VOPP1: variants seen among roughly 807,000 people sequenced by gnomAD.
The protein encoded by VOPP1 is WW domain binding protein VOPP1.
VOPP1 carries 8 observed loss-of-function variants against 23.5 expected under a neutral mutation model. That is an observed-to-expected ratio of 0.34 (90% CI 0.20 to 0.61). The LOEUF (loss-of-function observed/expected upper bound fraction) is 0.61, where lower values mean the gene tolerates loss of function less well. Among genes scored for constraint, VOPP1 ranks in the 20% least tolerant of loss-of-function variants. The probability of loss-of-function intolerance (pLI) is 0.78; values close to 1 mark genes in which losing one functional copy is unlikely to be tolerated. For synonymous variants in VOPP1, 83 were observed against 97.3 expected, an observed-to-expected ratio of 0.85 and a Z score of 0.86; for missense variants, 174 against 238.1, an observed-to-expected ratio of 0.73 and a Z score of 1.77.
intron 4 of VOPP1, among the ~76,000 whole-genome samples, chr7:55,440,272 G>A (rs1790931333): frequency 6.6e-6 from 1 of 152,220 alleles, no homozygotes; most frequent in Non-Finnish European, 1.5e-5. Context: ...TCATGTCTGT[G>A]AAGCATGATC....
At chr7:55,493,075 T>C (rs547829955) in intron 3 of VOPP1, 1 of 152,250 alleles carries the variant, frequency 6.6e-6, no homozygotes, top group Admixed American at 6.5e-5. Context: ...GCTGAACTCT[T>C]TAAGGGTAGC....
chr7:55,468,425 T>G (rs908579414), downstream of VOPP1, among the ~76,000 whole-genome samples: 1 of 151,770 alleles, frequency 6.6e-6, no homozygotes, highest in Non-Finnish European at 1.5e-5. Flanking sequence ...CAAGAGGAGG[T>G]AGGCAAATTG....
intron 1 of VOPP1, 146 bp from the exon 2 acceptor site, chr7:55,521,276 G>A (rs905543564): frequency 1.2e-6 from 1 of 813,896 alleles, no homozygotes; most frequent in Admixed American, 2.9e-5. Flanking sequence ...GCATTACAGG[G>A]AGAGCCGCCC....
At chr7:55,556,606 TG>T (rs891185430) in intron 1 of VOPP1, among the ~76,000 whole-genome samples, 172 of 147,586 alleles carry the variant, frequency 1.2e-3, no homozygotes, top group Non-Finnish European at 2.0e-3. Context: ...CTGAAGTCTG[TG>T]AAAACAAATA....
intron 4 of VOPP1, among the ~76,000 whole-genome samples, chr7:55,464,673 T>A (rs1200859457): frequency 6.6e-6 from 1 of 152,168 alleles, no homozygotes; most frequent in African/African-American, 2.4e-5. Flanking sequence ...GCCAGTGTTG[T>A]GATGCTGCAG....
At chr7:55,516,320 C>A (rs1795406343) in intron 2 of VOPP1, among the ~76,000 whole-genome samples, 1 of 152,132 alleles carries the variant, frequency 6.6e-6, no homozygotes, top group Non-Finnish European at 1.5e-5. Flanking sequence ...ATAAGAATAT[C>A]TTGTTTATAC....
rs71561947 is a variant in VOPP1, at chr7:55,564,243, G to GTCTCTC, written c.54+8022_54+8027dup. 1.3e-3 allele frequency among the ~76,000 whole-genome samples: 168 copies of GTCTCTC among 125,984 alleles called. 1 individual carries two copies. Among genetic ancestry groups the GTCTCTC allele is most frequent in the Admixed American group, 2.7e-3 (35 of 12,994 alleles). 82.7% of individuals were successfully genotyped at this position (125,984 alleles called of 152,430 possible). A position where few individuals can be genotyped will look rare whatever the true frequency, so the allele number is the denominator to read the frequency against. On this transcript the variant is annotated intron_variant, in intron 1 of 4. Transcript: ENST00000285279. ...CAACACACTCTTTCTCTCTGTCTCT[G>GTCTCTC]TCTCTCTCTCTCTCTCTCTCTCTCG...
At chr7:55,499,572 G>A (rs1178181827) in intron 2 of VOPP1, among the ~76,000 whole-genome samples, 1 of 152,238 alleles carries the variant, frequency 6.6e-6, no homozygotes, top group African/African-American at 2.4e-5. Context: ...AACATAAACT[G>A]TGTTAGACAG....
rs879880929 is a variant in VOPP1 at position 55,529,389 on chromosome 7, A to G, written c.55-8259T>C. Among the ~76,000 whole-genome samples the G allele has an allele frequency of 2.8e-3, 417 of 146,884 alleles. 2 individuals are homozygous for G. The highest frequency in any genetic ancestry group is 5.0e-3 in the Non-Finnish European group (336 of 66,862). On this transcript the variant is annotated intron_variant, in intron 1 of 4. Transcript: ENST00000285279. ...CAAAAAAAAAAAAAAAAAAAAAAAA[A>G]GAGTCCTCAATGAGTGCAAAAGACT... is the stretch of plus-strand genomic sequence containing the variant.
At chr7:55,552,751 G>A (rs1797663273) in intron 1 of VOPP1, 2 of 1,533,496 alleles carry the variant, frequency 1.3e-6, no homozygotes, top group Admixed American at 2.0e-5. Context: ...GGCACACGGA[G>A]TTCACGCAGA....
At chr7:55,566,511 G>A (rs1430234180) in intron 1 of VOPP1, among the ~76,000 whole-genome samples, 1 of 152,046 alleles carries the variant, frequency 6.6e-6, no homozygotes, top group Non-Finnish European at 1.5e-5. Context: ...GCAGTGAGCC[G>A]AGATCATGCC....
chr7:55,562,399 A>C (rs1347213641), intron 1 of VOPP1, among the ~76,000 whole-genome samples: 1 of 152,208 alleles, frequency 6.6e-6, no homozygotes, highest in Admixed American at 6.5e-5. Context: ...TCCAGAACTA[A>C]AAAACTCTCT....
chr7:55,462,360 G>C (rs964427659), intron 4 of VOPP1, among the ~76,000 whole-genome samples: 3 of 152,112 alleles, frequency 2.0e-5, no homozygotes, highest in African/African-American at 7.2e-5. Context: ...ATCTATTTGG[G>C]TATCTTTAAG....
intron 1 of VOPP1, among the ~76,000 whole-genome samples, chr7:55,558,804 C>G (rs1797891976): frequency 6.6e-6 from 1 of 152,180 alleles, no homozygotes; most frequent in Non-Finnish European, 1.5e-5. Flanking sequence ...ACACCAAACC[C>G]TGGCATCATT....
At chr7:55,493,943 T>G (rs1793762024) in intron 3 of VOPP1, among the ~76,000 whole-genome samples, 1 of 152,192 alleles carries the variant, frequency 6.6e-6, no homozygotes, top group East Asian at 1.9e-4. Context: ...CTGGGAACAC[T>G]GCATTTCTTT....
intron 4 of VOPP1, among the ~76,000 whole-genome samples, chr7:55,483,307 G>GC (rs1188139800): frequency 3.3e-5 from 5 of 152,166 alleles, no homozygotes; most frequent in Admixed American, 1.3e-4. Context: ...CAGGGACCAT[G>GC]CATGTCTTCA....
intron 2 of VOPP1, among the ~76,000 whole-genome samples, chr7:55,510,589 T>TTTTG (rs1174366196): frequency 6.6e-6 from 1 of 151,406 alleles, no homozygotes; most frequent in East Asian, 1.9e-4. Flanking sequence ...TTTTTTTTTT[T>TTTTG]TAGCTTTTAA....
At chr7:55,512,934 C>T (rs553726344) in intron 2 of VOPP1, among the ~76,000 whole-genome samples, 10 of 152,352 alleles carry the variant, frequency 6.6e-5, no homozygotes, top group Non-Finnish European at 1.0e-4. Flanking sequence ...AGTGGCCCAG[C>T]GGTGCTGGCT....
intron 4 of VOPP1, among the ~76,000 whole-genome samples, chr7:55,447,000 C>G (rs1172175727): frequency 2.6e-5 from 4 of 152,198 alleles, no homozygotes; most frequent in Non-Finnish European, 5.9e-5. Context: ...CATCAGTGAT[C>G]AAAGCAGGGT....
Sources: gnomAD v4.1 joint callset for allele counts (sites outside exome capture counted in the v4.1 genomes callset) on GRCh38, gnomAD v4.1.1 for gene constraint, MANE v1.5 for transcripts, NCBI Gene and HGNC (gene_info 2026-07-23, HGNC 2026-07-21) for gene names.